Variants in MGAT5 observed in about 807,000 individuals in gnomAD.
The protein encoded by MGAT5 is alpha-1,6-mannosylglycoprotein 6-beta-N-acetylglucosaminyltransferase A.
Under a neutral mutation model 94.3 loss-of-function variants are expected in MGAT5, and 30 were observed. The observed-to-expected ratio is 0.32, with a 90% CI of 0.24 to 0.43. The LOEUF is 0.43. Among genes scored for constraint, MGAT5 ranks in the 20% least tolerant of loss-of-function variants. MGAT5 has a pLI of 1.00. For synonymous variants in MGAT5, 310 were observed against 322.9 expected, an observed-to-expected ratio of 0.96 and a Z score of 0.43; for missense variants, 691 against 905.5, an observed-to-expected ratio of 0.76 and a Z score of 3.04.
chr2:134,275,266 CT>C (rs2105675090), intron 2 of MGAT5, among the ~76,000 whole-genome samples: 1 of 152,308 alleles, frequency 6.6e-6, no homozygotes, highest in East Asian at 1.9e-4. Flanking sequence ...CAAATATGTT[CT>C]GTCTATCTAC....
At chr2:134,377,160 T>A (rs112955640) in intron 10 of MGAT5, among the ~76,000 whole-genome samples, 16 of 152,322 alleles carry the variant, frequency 1.1e-4, no homozygotes, top group African/African-American at 2.6e-4. Context: ...CTCACAACCA[T>A]GAAGCAAGAG....
intron 1 of MGAT5, among the ~76,000 whole-genome samples, chr2:134,238,509 T>C (rs1681782626): frequency 6.6e-6 from 1 of 152,246 alleles, no homozygotes; most frequent in South Asian, 2.1e-4. Flanking sequence ...CTTGTTTATG[T>C]ATCCTTGTCA....
intron 1 of MGAT5, among the ~76,000 whole-genome samples, chr2:134,206,586 C>T (rs767196936): frequency 5.3e-5 from 8 of 152,198 alleles, no homozygotes; most frequent in Non-Finnish European, 7.4e-5. Context: ...ACTCCTGAAA[C>T]GTGGATGTAG....
intron 4 of MGAT5, among the ~76,000 whole-genome samples, chr2:134,319,078 C>T (rs760203842): frequency 6.6e-6 from 1 of 152,172 alleles, no homozygotes; most frequent in African/African-American, 2.4e-5. Flanking sequence ...ACCACTGTCC[C>T]TCTCTAGAAT....
At chr2:134,301,188 C>T (rs1685996048) in intron 2 of MGAT5, among the ~76,000 whole-genome samples, 1 of 152,108 alleles carries the variant, frequency 6.6e-6, no homozygotes, top group African/African-American at 2.4e-5. Flanking sequence ...CATGGTGCTG[C>T]ATATGTCAAT....
intron 6 of MGAT5, 148 bp from the exon 7 acceptor site, chr2:134,341,442 G>A: frequency 1.6e-6 from 1 of 641,578 alleles, no homozygotes; most frequent in Non-Finnish European, 2.6e-6. Context: ...TCCTTCCTTT[G>A]TACCTTCTAG....
rs1687147172 is a variant in MGAT5 at position 134,318,687 on chromosome 2, C to G, written c.521C>G (p.Ala174Gly). Residue 174 changes from alanine to glycine, a missense_variant, in exon 4 of 16, where the codon GCA (alanine) becomes GGA (glycine). Around this residue, in one of 4 missense-constraint regions of MGAT5, gnomAD observed 307 missense variants for 335.4 expected, o/e 0.92. Coordinates refer to ENST00000281923, the MANE Select transcript of MGAT5 (RefSeq NM_002410.5). ...ATGTGGCGTTCAGATCCCTGCTACG[C>G]AGACTATGGAGTGGATGGATCCACC... ...KDMWRSDPCYADYGVDGSTCS... is the reference protein window; with the variant it reads ...KDMWRSDPCYGDYGVDGSTCS... The G allele has an allele frequency of 1.2e-6, 2 of 1,613,476 alleles. No homozygotes were observed. Among genetic ancestry groups the G allele is most frequent in the Non-Finnish European group, 1.7e-6 (2 of 1,179,586 alleles).
chr2:134,202,881 G>GA (rs1004744991), intron 1 of MGAT5, among the ~76,000 whole-genome samples: 12 of 150,390 alleles, frequency 8.0e-5, no homozygotes, highest in African/African-American at 2.4e-4. Flanking sequence ...AATGTAAAAG[G>GA]AAAAAAAAAG....
At chr2:134,444,273 C>T (rs1335775868) in intron 15 of MGAT5, among the ~76,000 whole-genome samples, 3 of 152,212 alleles carry the variant, frequency 2.0e-5, no homozygotes, top group African/African-American at 7.2e-5. Flanking sequence ...TCCCCACCTC[C>T]GTATCCATGC....
At chr2:134,426,620 T>G (rs575462996) in intron 13 of MGAT5, among the ~76,000 whole-genome samples, 6 of 152,304 alleles carry the variant, frequency 3.9e-5, no homozygotes, top group Non-Finnish European at 8.8e-5. Flanking sequence ...TTGTTTTAGA[T>G]CATTCCTTCT....
At chr2:134,212,741 T>C (rs189874805) in intron 1 of MGAT5, among the ~76,000 whole-genome samples, 1 of 152,130 alleles carries the variant, frequency 6.6e-6, no homozygotes, top group Non-Finnish European at 1.5e-5. Context: ...TGGGAAGAGG[T>C]TGGATTTCCC....
chr2:134,224,771 TG>T (rs770713761), intron 1 of MGAT5, among the ~76,000 whole-genome samples: 3 of 152,076 alleles, frequency 2.0e-5, no homozygotes. Flanking sequence ...CAAAGATCAC[TG>T]GGTGCCTTAG....
At chr2:134,177,021 C>T (rs188348424) in intron 1 of MGAT5, among the ~76,000 whole-genome samples, 4 of 152,198 alleles carry the variant, frequency 2.6e-5, no homozygotes, top group Non-Finnish European at 5.9e-5. Context: ...CCTTAGGGCT[C>T]CTTCTGGAAG....
intron 10 of MGAT5, among the ~76,000 whole-genome samples, chr2:134,369,917 C>T (rs2106150479): frequency 6.6e-6 from 1 of 152,258 alleles, no homozygotes; most frequent in South Asian, 2.1e-4. Flanking sequence ...AGCAGCCACA[C>T]AGGATGGGCC....
intron 4 of MGAT5, 82 bp from the exon 5 acceptor site, chr2:134,336,135 C>A: frequency 3.7e-6 from 4 of 1,073,156 alleles, no homozygotes; most frequent in South Asian, 1.3e-5. Context: ...AGTTGTGTGC[C>A]AGGAGCTGTT....
intron 14 of MGAT5, among the ~76,000 whole-genome samples, chr2:134,429,105 A>G (rs957941303): frequency 6.6e-6 from 1 of 152,250 alleles, no homozygotes; most frequent in East Asian, 1.9e-4. Flanking sequence ...GGGTAGGAGA[A>G]TATGAACTCT....
At chr2:134,180,063 A>G (rs964896637) in intron 1 of MGAT5, among the ~76,000 whole-genome samples, 2 of 152,176 alleles carry the variant, frequency 1.3e-5, no homozygotes, top group African/African-American at 4.8e-5. Context: ...AAGTTATCCT[A>G]TATGGTCTAA....
At chr2:134,136,576 GAATA>G (rs1432549220) in intron 1 of MGAT5, among the ~76,000 whole-genome samples, 6 of 151,902 alleles carry the variant, frequency 3.9e-5, no homozygotes, top group Admixed American at 3.9e-4. Flanking sequence ...CAAAATACAT[GAATA>G]AATAAAATAA....
At chr2:134,239,707 G>A (rs1435778032) in intron 1 of MGAT5, among the ~76,000 whole-genome samples, 1 of 151,870 alleles carries the variant, frequency 6.6e-6, no homozygotes, top group Non-Finnish European at 1.5e-5. Flanking sequence ...GGATGAGGAT[G>A]TGGATGGATC....
Sources: gnomAD v4.1 joint callset for allele counts (sites outside exome capture counted in the v4.1 genomes callset) on GRCh38, gnomAD v4.1.1 for gene constraint, gnomAD v4.1.1 regional missense constraint, MANE v1.5 for transcripts, NCBI Gene and HGNC (gene_info 2026-07-23, HGNC 2026-07-21) for gene names.